The following MTNAP1 variants were observed in gnomAD, a reference collection of about 807,000 sequenced individuals.
The protein encoded by MTNAP1 is mitochondrial nucleoid associated protein 1, also known as mitochondrial nucleoid-associated protein 1.
At chr17:73,233,788 G>C in the MTNAP1 span, among the ~76,000 whole-genome samples, 2 of 151,900 alleles carry the variant, frequency 1.3e-5, no homozygotes, top group Non-Finnish European at 2.9e-5. Flanking sequence ...CAGGAGAACC[G>C]TTTGAACCTG....
chr17:73,237,480 G>A, the MTNAP1 span, among the ~76,000 whole-genome samples: 1 of 152,098 alleles, frequency 6.6e-6, no homozygotes, highest in Admixed American at 6.6e-5. Context: ...TGCTTCAGTG[G>A]TCAGTAGTGG....
chr17:73,234,773 C>CTGTGTGTGTGTG, the MTNAP1 span, among the ~76,000 whole-genome samples: 116 of 146,068 alleles, frequency 7.9e-4, 2 homozygotes, highest in Middle Eastern at 7.0e-3. Context: ...TTATGTATAT[C>CTGTGTGTGTGTG]TGTGTGTGTG....
chr17:73,242,725 T>C, the MTNAP1 span, among the ~76,000 whole-genome samples: 3 of 152,234 alleles, frequency 2.0e-5, no homozygotes, highest in African/African-American at 7.2e-5. Flanking sequence ...AATTTGAATC[T>C]AGTCAAGTTA....
At chr17:73,236,047 T>G in the MTNAP1 span, 1 of 1,614,084 alleles carries the variant, frequency 6.2e-7, no homozygotes, top group East Asian at 2.2e-5. Context: ...AGATAGAAAA[T>G]ATTCCTCAAC....
the MTNAP1 span, chr17:73,235,993 G>T: frequency 7.4e-6 from 12 of 1,614,178 alleles, no homozygotes; most frequent in South Asian, 6.6e-5. Flanking sequence ...AGAAGCTGGA[G>T]CGTCTTTACT....
the MTNAP1 span, chr17:73,247,533 G>A: frequency 2.9e-4 from 161 of 546,162 alleles, 1 homozygote; most frequent in African/African-American, 2.7e-3. Context: ...CATAATCAGG[G>A]TGCTGAAACA....
chr17:73,236,478 TGA>T, the MTNAP1 span: 12 of 1,614,172 alleles, frequency 7.4e-6, no homozygotes, highest in Non-Finnish European at 1.0e-5. Context: ...GCCATGGCTG[TGA>T]GAACTTCAAC....
At chr17:73,235,018 C>T in the MTNAP1 span, among the ~76,000 whole-genome samples, 2,230 of 152,028 alleles carry the variant, frequency 0.015, 19 homozygotes, top group Non-Finnish European at 0.022. Context: ...GAGTTCGAGA[C>T]CAGTCTGGGT....
At chr17:73,237,139 G>T in the MTNAP1 span, 1 of 918,826 alleles carries the variant, frequency 1.1e-6, no homozygotes. Flanking sequence ...ATATAAAGTT[G>T]TCCTGAAAGA....
chr17:73,243,114 T>C, the MTNAP1 span: 1 of 793,274 alleles, frequency 1.3e-6, no homozygotes, highest in Non-Finnish European at 2.1e-6. Context: ...AGCTTTACAG[T>C]ATCTGGCATG....
chr17:73,244,232 A>G, the MTNAP1 span, among the ~76,000 whole-genome samples: 1 of 152,194 alleles, frequency 6.6e-6, no homozygotes, highest in Admixed American at 6.5e-5. Flanking sequence ...ATTTTTGTAT[A>G]ATTAAATTTT....
At chr17:73,234,598 G>A in the MTNAP1 span, among the ~76,000 whole-genome samples, 1 of 149,154 alleles carries the variant, frequency 6.7e-6, no homozygotes, top group Admixed American at 6.7e-5. Flanking sequence ...TGCTGAGGCA[G>A]GACAATAGCT....
chr17:73,245,289 G>A, the MTNAP1 span: 2 of 1,492,308 alleles, frequency 1.3e-6, no homozygotes, highest in Non-Finnish European at 1.8e-6. Flanking sequence ...TATAATATTT[G>A]GGACAGGGAG....
chr17:73,235,759 T>C, the MTNAP1 span: 1 of 1,614,192 alleles, frequency 6.2e-7, no homozygotes, highest in Non-Finnish European at 8.5e-7. Flanking sequence ...AGTGAAGACC[T>C]TTCCACTGCC....
the MTNAP1 span, chr17:73,244,774 G>A: frequency 3.7e-5 from 6 of 163,266 alleles, no homozygotes; most frequent in Admixed American, 6.3e-5. Context: ...AGTGAGTAGC[G>A]GGTAGGTCCG....
At chr17:73,244,127 T>C in the MTNAP1 span, among the ~76,000 whole-genome samples, 2 of 152,242 alleles carry the variant, frequency 1.3e-5, no homozygotes, top group South Asian at 4.1e-4. Context: ...CTTAATTTCA[T>C]TTATCTTAAT....
chr17:73,234,005 T>C, the MTNAP1 span, among the ~76,000 whole-genome samples: 2 of 152,238 alleles, frequency 1.3e-5, no homozygotes, highest in African/African-American at 4.8e-5. Context: ...TTGGTGAAGA[T>C]TGTGTCTATT....
chr17:73,247,329 A>T, the MTNAP1 span: 6 of 1,613,496 alleles, frequency 3.7e-6, no homozygotes, highest in Non-Finnish European at 5.1e-6. Context: ...GCTCTAAAAC[A>T]TGTTTGGATT....
At chr17:73,236,675 C>T in the MTNAP1 span, 1 of 1,614,172 alleles carries the variant, frequency 6.2e-7, no homozygotes, top group South Asian at 1.1e-5. Context: ...CATTGTGTCC[C>T]TGATGTAAAG....
Sources: allele counts gnomAD v4.1 joint callset (sites outside exome capture counted in the v4.1 genomes callset), GRCh38; gene constraint gnomAD v4.1.1; transcripts MANE v1.5; gene names NCBI Gene and HGNC (gene_info 2026-07-23, HGNC 2026-07-21).